The following NSUN6 variants were observed in gnomAD, a reference collection of about 807,000 sequenced individuals.
NSUN6 encodes NOP2/Sun RNA methyltransferase 6.
In NSUN6, 64 loss-of-function variants were observed where a neutral mutation model predicts 58.0. The ratio of observed to expected loss-of-function variants is 1.10; its 90% CI spans 0.90 to 1.36. The LOEUF (loss-of-function observed/expected upper bound fraction) is 1.36. NSUN6 is among the 40% of genes most tolerant of loss of function. The pLI is 0.00. For synonymous variants in NSUN6, 231 were observed against 193.9 expected (o/e 1.19, Z -1.59); for missense variants, 701 against 550.1 (o/e 1.27, Z -2.74).
chr10:18,571,273 C>T (rs576395543), intron 8 of NSUN6, among the ~76,000 whole-genome samples: 1 of 150,398 alleles, frequency 6.6e-6, no homozygotes, highest in African/African-American at 2.4e-5. Flanking sequence ...CATTCCCTTC[C>T]TTTCTCCATT....
chr10:18,584,997 T>TA (rs35061759), intron 8 of NSUN6, among the ~76,000 whole-genome samples: 13 of 143,530 alleles, frequency 9.1e-5, no homozygotes, highest in Admixed American at 4.2e-4. Context: ...AGAGACCTAT[T>TA]AAAAAAAAAA....
chr10:18,618,697 A>G (rs530208012), intron 3 of NSUN6, among the ~76,000 whole-genome samples: 17 of 151,798 alleles, frequency 1.1e-4, no homozygotes, highest in Admixed American at 9.9e-4. Flanking sequence ...AAAAAAAAAA[A>G]AAAAGAAACG....
intron 6 of NSUN6, among the ~76,000 whole-genome samples, chr10:18,600,694 G>C (rs796727473): frequency 6.6e-6 from 1 of 151,754 alleles, no homozygotes. Flanking sequence ...TTGGGAGGCT[G>C]AGGCAGGTGG....
chr10:18,549,811 T>G (rs1034004084), intron 9 of NSUN6, among the ~76,000 whole-genome samples: 1 of 152,226 alleles, frequency 6.6e-6, no homozygotes, highest in Non-Finnish European at 1.5e-5. Flanking sequence ...AATCAGAGTA[T>G]GCTGATCAAA....
At chr10:18,557,066 T>C (rs1047731557) in intron 8 of NSUN6, among the ~76,000 whole-genome samples, 2 of 149,440 alleles carry the variant, frequency 1.3e-5, no homozygotes, top group South Asian at 2.1e-4. Context: ...GAAAATGGAA[T>C]GGAATGCAGC....
At chr10:18,637,926 T>C (rs1354064674) in intron 3 of NSUN6, among the ~76,000 whole-genome samples, 2 of 152,208 alleles carry the variant, frequency 1.3e-5, no homozygotes, top group Non-Finnish European at 2.9e-5. Context: ...TGTGCATTCA[T>C]GTATGCAGAT....
intron 7 of NSUN6, among the ~76,000 whole-genome samples, chr10:18,595,953 A>G (rs965901555): frequency 2.0e-5 from 3 of 152,226 alleles, no homozygotes; most frequent in Non-Finnish European, 4.4e-5. Context: ...ATCTAAATGT[A>G]TTAAATTTAA....
At chr10:18,580,738 C>T (rs777954755) in intron 8 of NSUN6, among the ~76,000 whole-genome samples, 6 of 152,138 alleles carry the variant, frequency 3.9e-5, no homozygotes, top group Admixed American at 6.5e-5. Context: ...GCAGCAGTGG[C>T]CCAGAGGTTT....
At chr10:18,599,236 A>G (rs549970356) in intron 6 of NSUN6, among the ~76,000 whole-genome samples, 2 of 152,200 alleles carry the variant, frequency 1.3e-5, no homozygotes, top group South Asian at 4.2e-4. Context: ...ATGGGGTAGC[A>G]CTATATCACT....
intron 6 of NSUN6, among the ~76,000 whole-genome samples, chr10:18,603,809 G>A (rs1270603570): frequency 6.6e-6 from 1 of 152,102 alleles, no homozygotes; most frequent in Non-Finnish European, 1.5e-5. Context: ...ACAGTAAAAT[G>A]AAATCCTTCT....
intron 2 of NSUN6, among the ~76,000 whole-genome samples, chr10:18,643,520 G>C (rs2059449391): frequency 6.6e-6 from 1 of 152,114 alleles, no homozygotes; most frequent in African/African-American, 2.4e-5. Flanking sequence ...AGTTGATAAG[G>C]AAACAGAAAA....
intron 8 of NSUN6, among the ~76,000 whole-genome samples, chr10:18,568,846 C>CCACAT (rs1288229895): frequency 2.1e-5 from 1 of 46,920 alleles, no homozygotes; most frequent in Admixed American, 1.8e-4. Context: ...CTATTCCATT[C>CCACAT]TACATTCAAT....
At chr10:18,558,464 G>A (rs2055220070) in intron 8 of NSUN6, among the ~76,000 whole-genome samples, 1 of 150,814 alleles carries the variant, frequency 6.6e-6, no homozygotes, top group Non-Finnish European at 1.5e-5. Flanking sequence ...ATAGAATGGA[G>A]AAGGGAATGG....
rs1299031981 is a variant in NSUN6, at chr10:18,547,449, C to T, written c.1197+663G>A. ...TGTCTTTATTTATGTATTCCCATTA[C>T]CTAATTTCTGTATAGAAAGGTACTA... is the stretch of plus-strand genomic sequence containing the variant. On this transcript the variant is annotated intron_variant, in intron 10 of 10. Transcript: ENST00000377304. Among the ~76,000 whole-genome samples the T allele has an allele frequency of 6.6e-5, 10 of 152,200 alleles. 1 individual carries two copies. The East Asian group carries it at 1.9e-3, about 29-fold the overall frequency.
chr10:18,633,726 A>G (rs573350763), intron 3 of NSUN6, among the ~76,000 whole-genome samples: 5 of 152,346 alleles, frequency 3.3e-5, no homozygotes, highest in South Asian at 2.1e-4. Context: ...CAGAAATGGC[A>G]TAACCAGACA....
chr10:18,599,227 T>A (rs2057713785), intron 6 of NSUN6, among the ~76,000 whole-genome samples: 1 of 152,046 alleles, frequency 6.6e-6, no homozygotes, highest in Non-Finnish European at 1.5e-5. Flanking sequence ...CTTGTAGAGA[T>A]GGGGTAGCAC....
chr10:18,599,004 T>C (rs1333877934), intron 6 of NSUN6, among the ~76,000 whole-genome samples: 1 of 152,178 alleles, frequency 6.6e-6, no homozygotes, highest in Non-Finnish European at 1.5e-5. Context: ...AAACAGCCCA[T>C]GTGACGAGGC....
At chr10:18,601,890 C>T (rs913950385) in intron 6 of NSUN6, among the ~76,000 whole-genome samples, 25 of 151,160 alleles carry the variant, frequency 1.7e-4, no homozygotes, top group Non-Finnish European at 3.1e-4. Context: ...AGGAGAACTG[C>T]TTCAACCCGG....
chr10:18,641,994 A>G (rs939665124), intron 3 of NSUN6, among the ~76,000 whole-genome samples: 3 of 152,124 alleles, frequency 2.0e-5, no homozygotes, highest in African/African-American at 7.2e-5. Context: ...CTGAGTCCAG[A>G]AGTTCGAGCC....
Sources: gnomAD v4.1 joint callset for allele counts (sites outside exome capture counted in the v4.1 genomes callset) on GRCh38, gnomAD v4.1.1 for gene constraint, MANE v1.5 for transcripts, NCBI Gene and HGNC (gene_info 2026-07-23, HGNC 2026-07-21) for gene names.